The following C7 variants were observed in gnomAD, a reference collection of about 807,000 sequenced individuals.
The protein encoded by C7 is complement component C7.
Under a neutral mutation model 104.8 loss-of-function variants are expected in C7, and 83 were observed. The observed-to-expected ratio is 0.79, with a 90% CI of 0.66 to 0.95. The LOEUF (loss-of-function observed/expected upper bound fraction) is 0.95. Ranked by LOEUF, C7 falls within the 40% of genes least tolerant of loss-of-function variation. The pLI is 0.00. For synonymous variants in C7, 415 were observed against 360.6 expected (o/e 1.15, Z -1.71); for missense variants, 1,070 against 1,011.2 (o/e 1.06, Z -0.79).
chr5:40,962,301 T>G (rs1388025856), intron 13 of C7, 129 bp downstream of exon 13: 6 of 520,206 alleles, frequency 1.2e-5, no homozygotes, highest in Non-Finnish European at 1.7e-5. Context: ...ATTTTAGTTT[T>G]AGTGGTGAGG....
chr5:40,917,267 A>G (rs1272621454), intron 1 of C7, among the ~76,000 whole-genome samples: 1 of 152,132 alleles, frequency 6.6e-6, no homozygotes, highest in Non-Finnish European at 1.5e-5. Context: ...CTCTTCAACA[A>G]TCCCCACCCT....
At chr5:40,931,538 A>G (rs540881771) in intron 3 of C7, among the ~76,000 whole-genome samples, 112 of 152,290 alleles carry the variant, frequency 7.4e-4, no homozygotes, top group African/African-American at 2.6e-3. Context: ...AGCAAATAGC[A>G]AAATGGCTGC....
At chr5:40,972,215 A>G (rs1740712414) in intron 14 of C7, 188 bp from the exon 15 acceptor site, 1 of 614,964 alleles carries the variant, frequency 1.6e-6, no homozygotes, top group South Asian at 2.0e-5. Context: ...TTAGATATTC[A>G]TGGGTCAATT....
chr5:40,976,967 C>T lies in C7; in HGVS notation c.2165+127C>T, dbSNP rs140167744. Reference sequence around the variant, plus strand: ...GAGTTAAGGGTCTTTGTTTGCATTTCGATGTAGTCCATCTGCTGCCTGTTA... The same window carrying T: ...GAGTTAAGGGTCTTTGTTTGCATTTTGATGTAGTCCATCTGCTGCCTGTTA... On this transcript the variant is annotated intron_variant, in intron 16 of 17. Transcript: ENST00000313164. The T allele has an allele frequency of 3.3e-3, 2,206 of 677,778 alleles. 37 individuals are homozygous for T. The African/African-American group carries it at 0.035, about 11-fold the overall frequency. The allele number at this position is 677,778 out of a possible 1,614,324, so 42.0% of individuals were successfully genotyped here.
intron 1 of C7, among the ~76,000 whole-genome samples, chr5:40,922,989 C>G (rs116017180): frequency 6.6e-6 from 1 of 152,104 alleles, no homozygotes; most frequent in Non-Finnish European, 1.5e-5. Context: ...TTATATCAAG[C>G]TAAAAAGCTT....
At chr5:40,970,100 T>C (rs1344477851) in intron 14 of C7, among the ~76,000 whole-genome samples, 1 of 152,124 alleles carries the variant, frequency 6.6e-6, no homozygotes, top group African/African-American at 2.4e-5. Context: ...TGGCAAAATA[T>C]AGGCATTCAA....
chr5:40,964,510 G>C, intron 13 of C7: 1 of 362,078 alleles, frequency 2.8e-6, no homozygotes, highest in East Asian at 4.9e-5. Context: ...TTGGTATTTT[G>C]GGAGCAATCA....
intron 6 of C7, among the ~76,000 whole-genome samples, chr5:40,941,125 G>A (rs1278446984): frequency 6.6e-6 from 1 of 150,592 alleles, no homozygotes; most frequent in Non-Finnish European, 1.5e-5. Flanking sequence ...GTGCAGTCGT[G>A]TGATCTCGGC....
chr5:40,968,554 C>T (rs1740608557), intron 14 of C7, among the ~76,000 whole-genome samples: 1 of 94,504 alleles, frequency 1.1e-5, no homozygotes, highest in African/African-American at 3.3e-5. Context: ...CAACTTAAAA[C>T]AATTATATAT....
intron 13 of C7, chr5:40,964,345 G>A (rs1274963838): frequency 5.8e-6 from 1 of 172,698 alleles, no homozygotes. Context: ...GCCCGGCCTG[G>A]TAATACCTTA....
At chr5:40,913,417 C>G (rs1739253070) in intron 1 of C7, among the ~76,000 whole-genome samples, 5 of 152,080 alleles carry the variant, frequency 3.3e-5, no homozygotes, top group Admixed American at 2.6e-4. Flanking sequence ...TACATTCCCA[C>G]CAATAGTATA....
intron 9 of C7, among the ~76,000 whole-genome samples, chr5:40,952,649 C>T (rs914382615): frequency 1.3e-5 from 2 of 152,008 alleles, no homozygotes; most frequent in African/African-American, 4.8e-5. Context: ...CCCCCCTCTC[C>T]CCACCCCACT....
intron 15 of C7, among the ~76,000 whole-genome samples, chr5:40,973,981 C>G (rs1402862255): frequency 6.6e-6 from 1 of 152,146 alleles, no homozygotes; most frequent in Non-Finnish European, 1.5e-5. Context: ...ACAAAAAAAT[C>G]CAAGACTTAC....
At chr5:40,975,089 C>A (rs1740785621) in intron 15 of C7, among the ~76,000 whole-genome samples, 1 of 152,082 alleles carries the variant, frequency 6.6e-6, no homozygotes, top group Non-Finnish European at 1.5e-5. Context: ...TAGATAATAC[C>A]ATTTTTAAAA....
Position 40,949,949 on chromosome 5 carries a change from AT to A in C7, c.1032del (p.Phe344LeufsTer17). On this transcript the variant is annotated frameshift_variant, in exon 9 of 18. Transcript: ENST00000313164. LOFTEE classifies it high-confidence loss of function. ...AAGAAATGTAAATCCTCAGGTTGGC[AT>A]TTTGTCGTTAAATTTTCAAGTCATG... ...EEKKCKSSGWHFVVKFSSHGC... is the reference protein window; with the variant it reads ...EEKKCKSSGWXFVVKFSSHGC... 1 of 1,601,380 alleles carries A rather than the reference AT, an allele frequency of 6.2e-7. No homozygotes were observed. Among genetic ancestry groups the A allele is most frequent in the South Asian group, 1.1e-5 (1 of 88,442 alleles).
At chr5:40,937,749 T>C in intron 6 of C7, 59 bp downstream of exon 6, 1 of 1,353,398 alleles carries the variant, frequency 7.4e-7, no homozygotes, top group Admixed American at 2.5e-5. Context: ...ATTTATATGA[T>C]ATTGACTTTT....
At chr5:40,934,291 T>C (rs190800383) in intron 3 of C7, 34 bp from the exon 4 acceptor site, 377 of 1,502,412 alleles carry the variant, frequency 2.5e-4, no homozygotes, top group African/African-American at 2.3e-3. Flanking sequence ...AACAAACAAA[T>C]AAACAAACAA....
rs767130226 is a variant in C7, at chr5:40,979,801, C to T, written c.2242C>T (p.Leu748Phe). The T allele has an allele frequency of 4.0e-5, 65 of 1,613,494 alleles. No homozygotes were observed. The African/African-American group carries it at 8.0e-4, about 20-fold the overall frequency. ...LPLTVCKMHV[L>F]HCQGRNYTLT... ...TCTGACAGTTTGCAAGATGCATGTTCTCCACTGTCAGGGTAGAAATTACAC... is the reference window on the plus strand; with the variant it reads ...TCTGACAGTTTGCAAGATGCATGTTTTCCACTGTCAGGGTAGAAATTACAC... The change falls in exon 17 of 18, where the codon CTC (leucine) becomes TTC (phenylalanine). Residue 748 changes from leucine to phenylalanine, a missense_variant. Transcript: ENST00000313164.
intron 3 of C7, among the ~76,000 whole-genome samples, chr5:40,932,392 C>A (rs1045756903): frequency 2.4e-4 from 36 of 151,940 alleles, no homozygotes; most frequent in Non-Finnish European, 4.7e-4. Context: ...TGAGGATAGT[C>A]CTAGAAATAA....
Sources: gnomAD v4.1 joint callset for allele counts (sites outside exome capture counted in the v4.1 genomes callset) on GRCh38, gnomAD v4.1.1 for gene constraint, MANE v1.5 for transcripts, NCBI Gene and HGNC (gene_info 2026-07-23, HGNC 2026-07-21) for gene names.